RBFOX1: variants seen among roughly 807,000 people sequenced by gnomAD.
RBFOX1 encodes RNA binding protein fox-1 homolog 1.
A neutral mutation model predicts 57.7 loss-of-function variants in RBFOX1; 8 were observed. The ratio of observed to expected loss-of-function variants is 0.14; its 90% CI spans 0.08 to 0.25. RBFOX1 has a LOEUF of 0.25. RBFOX1 is among the 10% of genes least tolerant of loss of function. The pLI is 1.00. For synonymous variants in RBFOX1, 326 were observed against 222.4 expected, an observed-to-expected ratio of 1.47 and a Z score of -4.15; for missense variants, 611 against 548.5, an observed-to-expected ratio of 1.11 and a Z score of -1.14.
chr16:6,150,466 TA>T (rs370034314), intron 1 of RBFOX1, among the ~76,000 whole-genome samples: 22 of 148,702 alleles, frequency 1.5e-4, no homozygotes, highest in Admixed American at 2.7e-4. Context: ...TGTTTTCCAT[TA>T]AAAAAAAAAT....
chr16:7,368,428 T>C (rs960774978), intron 4 of RBFOX1, among the ~76,000 whole-genome samples: 1 of 152,086 alleles, frequency 6.6e-6, no homozygotes, highest in Admixed American at 6.5e-5. Context: ...GGAGTCTTTA[T>C]ATGCTTAAAA....
intron 3 of RBFOX1, among the ~76,000 whole-genome samples, chr16:5,679,892 T>G (rs1362009167): frequency 6.6e-6 from 1 of 152,218 alleles, no homozygotes; most frequent in African/African-American, 2.4e-5. Context: ...GCAAAATGTT[T>G]AGTCTGGTGC....
chr16:5,451,264 C>T (rs2068418330), intron 1 of RBFOX1, among the ~76,000 whole-genome samples: 1 of 152,248 alleles, frequency 6.6e-6, no homozygotes, highest in South Asian at 2.1e-4. Context: ...CAAAGATATC[C>T]TGCTGAAGGA....
intron 2 of RBFOX1, among the ~76,000 whole-genome samples, chr16:5,476,109 C>G (rs1597219925): frequency 6.6e-6 from 1 of 152,140 alleles, no homozygotes; most frequent in East Asian, 1.9e-4. Context: ...TGACCCCAGA[C>G]TTTGAGACCA....
chr16:7,559,507 G>A (rs1180815009), intron 5 of RBFOX1, among the ~76,000 whole-genome samples: 2 of 152,118 alleles, frequency 1.3e-5, no homozygotes, highest in African/African-American at 2.4e-5. Flanking sequence ...CTTTTTAGGT[G>A]GAGGTTTTGA....
At chr16:5,561,633 C>A (rs560628570) in intron 2 of RBFOX1, among the ~76,000 whole-genome samples, 9 of 152,022 alleles carry the variant, frequency 5.9e-5, no homozygotes, top group Non-Finnish European at 1.3e-4. Flanking sequence ...TAATACTAGA[C>A]CTTTATATGA....
chr16:7,294,837 G>A (rs141217214), intron 4 of RBFOX1, among the ~76,000 whole-genome samples: 11 of 152,246 alleles, frequency 7.2e-5, no homozygotes, highest in Admixed American at 1.3e-4. Context: ...CTCTACTGCT[G>A]TTTGTATTGC....
At chr16:5,789,546 G>A (rs1033380961) in intron 3 of RBFOX1, among the ~76,000 whole-genome samples, 22 of 152,014 alleles carry the variant, frequency 1.4e-4, no homozygotes, top group African/African-American at 4.8e-5. Flanking sequence ...CATCATCATC[G>A]TCATCATCAT....
In RBFOX1 at chr16:6,840,776, A is replaced by G. The variant is rs143834616; in HGVS notation, c.-16+186126A>G. Among the ~76,000 whole-genome samples, 1,063 of 151,588 alleles carry G rather than the reference A, an allele frequency of 7.0e-3. 14 individuals carry two copies. Among genetic ancestry groups the G allele is most frequent in the African/African-American group, 0.025 (1,012 of 41,278 alleles). On this transcript the variant is annotated intron_variant, in intron 3 of 15. Transcript: ENST00000550418. ...GTGGTGTGCACCTGTAGTCCCAGCT[A>G]CTCGGGAGGCTGAGGCAGGAGAATT...
At chr16:6,794,492 T>A (rs1729623713) in intron 3 of RBFOX1, among the ~76,000 whole-genome samples, 1 of 152,126 alleles carries the variant, frequency 6.6e-6, no homozygotes, top group Non-Finnish European at 1.5e-5. Context: ...TTAATGTAAT[T>A]ATTCATAATG....
At chr16:7,477,109 T>C (rs2062886025) in intron 4 of RBFOX1, among the ~76,000 whole-genome samples, 1 of 152,154 alleles carries the variant, frequency 6.6e-6, no homozygotes, top group Admixed American at 6.5e-5. Flanking sequence ...CCTTTTTTTC[T>C]CACTACTTTT....
chr16:6,938,394 T>C (rs537142057), intron 3 of RBFOX1, among the ~76,000 whole-genome samples: 1 of 152,216 alleles, frequency 6.6e-6, no homozygotes, highest in South Asian at 2.1e-4. Context: ...ACCTGGAAAA[T>C]AGTAAGGGTC....
chr16:5,592,441 G>T (rs1281424956), intron 2 of RBFOX1, among the ~76,000 whole-genome samples: 8 of 150,574 alleles, frequency 5.3e-5, no homozygotes, highest in African/African-American at 2.0e-4. Flanking sequence ...TTCTGAGATG[G>T]AGTCTTGCTT....
intron 1 of RBFOX1, among the ~76,000 whole-genome samples, chr16:5,458,316 T>C (rs1597148233): frequency 6.6e-6 from 1 of 151,772 alleles, no homozygotes; most frequent in African/African-American, 2.4e-5. Flanking sequence ...TTAGAGCTCA[T>C]GGGAATAAGA....
chr16:6,287,425 A>G (rs903278254), intron 1 of RBFOX1, among the ~76,000 whole-genome samples: 1 of 152,156 alleles, frequency 6.6e-6, no homozygotes, highest in African/African-American at 2.4e-5. Context: ...TATTTATTAA[A>G]TTAGCCAATG....
At chr16:7,103,088 A>G (rs55898161) in intron 4 of RBFOX1, among the ~76,000 whole-genome samples, 2,561 of 152,154 alleles carry the variant, frequency 0.017, 74 homozygotes, top group African/African-American at 0.059. Context: ...AAAAAATGCA[A>G]CACTCTGTTT....
chr16:7,524,641 G>A (rs1413742991), intron 5 of RBFOX1, among the ~76,000 whole-genome samples: 3 of 152,198 alleles, frequency 2.0e-5, no homozygotes, highest in Non-Finnish European at 4.4e-5. Context: ...AAGGAATGTG[G>A]GTGCCCCAGC....
Position 7,111,754 on chromosome 16 carries a change from T to G in RBFOX1, c.27+59656T>G, listed in dbSNP as rs558205092. Among the ~76,000 whole-genome samples the G allele has an allele frequency of 3.9e-4, 50 of 129,066 alleles. No individual in the cohort carries two copies. In the East Asian group the frequency reaches 6.3e-3, roughly 16 times the overall value. 84.7% of individuals were successfully genotyped at this position (129,066 alleles called of 152,430 possible). A position where few individuals can be genotyped will look rare whatever the true frequency, so the allele number is the denominator to read the frequency against. On this transcript the variant is annotated intron_variant, in intron 4 of 15. Transcript: ENST00000550418. ...TAAAATTATTCTGATTGTTATTTTG[T>G]ACTTTTTTTTTTTTATCTTCAAGGT... is the stretch of plus-strand genomic sequence containing the variant.
At chr16:6,730,444 T>G (rs927943997) in intron 3 of RBFOX1, among the ~76,000 whole-genome samples, 17 of 23,444 alleles carry the variant, frequency 7.3e-4, no homozygotes. Context: ...ATCTATCAAT[T>G]TATCAAATTA....
Sources: gnomAD v4.1 joint callset for allele counts (sites outside exome capture counted in the v4.1 genomes callset) on GRCh38, gnomAD v4.1.1 for gene constraint, MANE v1.5 for transcripts, NCBI Gene and HGNC (gene_info 2026-07-23, HGNC 2026-07-21) for gene names.